Variants in TNKS observed in about 807,000 individuals in gnomAD.
TNKS encodes poly [ADP-ribose] polymerase tankyrase-1.
TNKS carries 72 observed loss-of-function variants against 135.8 expected under a neutral mutation model. That is an observed-to-expected ratio of 0.53 (90% CI 0.44 to 0.64). The LOEUF is 0.64. Ranked by LOEUF, TNKS falls within the 30% of genes least tolerant of loss-of-function variation. The pLI, the probability that TNKS is intolerant of heterozygous loss-of-function variation, is 0.00. For missense variants in TNKS, 1,769 were observed against 1,674.0 expected (o/e 1.06, Z -0.99); for synonymous variants, 849 against 649.3 (o/e 1.31, Z -4.68).
In TNKS at chr8:9,781,476, T is replaced by G. The variant is rs933959237; in HGVS notation, c.*4740T>G. 6.6e-6 allele frequency: 1 copy of G among 152,232 alleles called. No homozygotes were observed. The highest frequency in any genetic ancestry group is 1.5e-5 in the Non-Finnish European group (1 of 68,048). 9.4% of individuals were successfully genotyped at this position (152,232 alleles called of 1,614,324 possible). A position where few individuals can be genotyped will look rare whatever the true frequency, so the allele number is the denominator to read the frequency against. ...CAAAGTTAGGAAAGAACACAGATCT[T>G]TGAGGCCGATAGCCTAGACCTAGAA... On this transcript the variant is annotated 3_prime_UTR_variant, in exon 27 of 27. Transcript: ENST00000310430.
intron 26 of TNKS, among the ~76,000 whole-genome samples, chr8:9,774,957 GTTC>G: frequency 6.6e-6 from 1 of 152,280 alleles, no homozygotes; most frequent in Non-Finnish European, 1.5e-5. Context: ...GCCAGCCTGC[GTTC>G]TTTTTACATT....
At chr8:9,727,402 T>G (rs978617851) in intron 13 of TNKS, among the ~76,000 whole-genome samples, 2 of 152,156 alleles carry the variant, frequency 1.3e-5, no homozygotes, top group Non-Finnish European at 2.9e-5. Flanking sequence ...TAGCAAAAGT[T>G]TTTTGTTTGG....
At chr8:9,587,043 G>A (rs1366696556) in intron 2 of TNKS, among the ~76,000 whole-genome samples, 1 of 152,116 alleles carries the variant, frequency 6.6e-6, no homozygotes, top group Non-Finnish European at 1.5e-5. Flanking sequence ...GTTGAAAGAT[G>A]TTCATATCTT....
At chr8:9,573,236 T>C (rs1797826517) in intron 1 of TNKS, among the ~76,000 whole-genome samples, 1 of 152,196 alleles carries the variant, frequency 6.6e-6, no homozygotes, top group South Asian at 2.1e-4. Flanking sequence ...GAGCAAAGAA[T>C]GATTGGTGAA....
chr8:9,740,683 T>C (rs879507761), intron 17 of TNKS, among the ~76,000 whole-genome samples: 6 of 152,134 alleles, frequency 3.9e-5, no homozygotes, highest in Non-Finnish European at 8.8e-5. Context: ...TGAGTAGTCT[T>C]TTATTAAAAT....
intron 3 of TNKS, among the ~76,000 whole-genome samples, chr8:9,630,177 A>C (rs1345938301): frequency 6.6e-6 from 1 of 152,150 alleles, no homozygotes; most frequent in Non-Finnish European, 1.5e-5. Context: ...CCTGACTTTC[A>C]GTACTGGCTT....
At chr8:9,641,089 C>T (rs1800709659) in intron 3 of TNKS, among the ~76,000 whole-genome samples, 1 of 145,928 alleles carries the variant, frequency 6.9e-6, no homozygotes, top group Non-Finnish European at 1.5e-5. Context: ...TGTGTGTTCT[C>T]CCTCACTGCA....
At chr8:9,659,208 T>G (rs913016106) in intron 3 of TNKS, among the ~76,000 whole-genome samples, 2 of 151,614 alleles carry the variant, frequency 1.3e-5, no homozygotes, top group East Asian at 1.9e-4. Flanking sequence ...TATCCAGGAG[T>G]TGAACTCCGC....
In TNKS at chr8:9,598,777, A is replaced by ATG. The variant is rs1798901659; in HGVS notation, c.899-16804_899-16803insGT. Reference sequence around the variant, plus strand: ...TATATGTGTGTGTGTATATATATATATATATATATATATATATATATATAT... The same window carrying ATG: ...TATATGTGTGTGTGTATATATATATATGTATATATATATATATATATATATAT... On this transcript the variant is annotated intron_variant, in intron 2 of 26. Transcript: ENST00000310430. Among the ~76,000 whole-genome samples the ATG allele has an allele frequency of 6.8e-5, 2 of 29,234 alleles. 1 individual carries two copies. The highest frequency in any genetic ancestry group is 1.3e-4 in the Non-Finnish European group (2 of 15,236). The allele number at this position is 29,234 out of a possible 152,430, so 19.2% of individuals were successfully genotyped here. A position where few individuals can be genotyped will look rare whatever the true frequency, so the allele number is the denominator to read the frequency against.
At chr8:9,575,077 T>C (rs1797895260) in intron 1 of TNKS, 4 of 985,004 alleles carry the variant, frequency 4.1e-6, no homozygotes, top group African/African-American at 3.5e-5. Context: ...GACAAGTGAA[T>C]CTCTCCATTA....
At position 9,776,840 on chromosome 8, in the gene TNKS, T is replaced by C; in HGVS notation, c.*104T>C. On this transcript the variant is annotated 3_prime_UTR_variant, in exon 27 of 27. Coordinates refer to ENST00000310430, the MANE Select transcript of TNKS (RefSeq NM_003747.3). Reference sequence around the variant, plus strand: ...AATATTCTAGAAGTCCCTGACAGCCTAGAAATAAGCTGTTTGTCTTCTATA... The same window carrying C: ...AATATTCTAGAAGTCCCTGACAGCCCAGAAATAAGCTGTTTGTCTTCTATA... The C allele has an allele frequency of 1.8e-6, 2 of 1,112,622 alleles. No individual in the cohort carries two copies. Among genetic ancestry groups the C allele is most frequent in the African/African-American group, 1.6e-5 (1 of 64,314 alleles). The allele number at this position is 1,112,622 out of a possible 1,614,324, so 68.9% of individuals were successfully genotyped here.
chr8:9,661,412 C>G (rs1801703287), intron 3 of TNKS, among the ~76,000 whole-genome samples: 1 of 152,006 alleles, frequency 6.6e-6, no homozygotes, highest in Non-Finnish European at 1.5e-5. Flanking sequence ...CAGAACAGAG[C>G]CCTCAGAAAT....
Position 9,764,124 on chromosome 8 carries a change from AT to A in TNKS, c.3373-584del, listed in dbSNP as rs1010618493. Reference sequence around the variant, plus strand: ...AGTGGAGCAGTAAGGAAGAGAATTCATTTTTTTTATTGAGTTAATTCTCTGA... The same window carrying A: ...AGTGGAGCAGTAAGGAAGAGAATTCATTTTTTTATTGAGTTAATTCTCTGA... On this transcript the variant is annotated intron_variant, in intron 22 of 26. Coordinates refer to ENST00000310430, the MANE Select transcript of TNKS (RefSeq NM_003747.3). 8.6e-5 allele frequency among the ~76,000 whole-genome samples: 13 copies of A among 151,986 alleles called. No individual in the cohort carries two copies. In the South Asian group the frequency reaches 2.5e-3, roughly 29 times the overall value.
chr8:9,594,148 A>G (rs1798687899), intron 2 of TNKS, among the ~76,000 whole-genome samples: 1 of 152,204 alleles, frequency 6.6e-6, no homozygotes, highest in Middle Eastern at 3.4e-3. Flanking sequence ...CGGCCTCCCA[A>G]AGTGCTAGGA....
At chr8:9,575,328 G>T (rs762600599) in intron 1 of TNKS, 2 of 885,318 alleles carry the variant, frequency 2.3e-6, no homozygotes, top group Middle Eastern at 5.8e-4. Context: ...CTCGTGATCC[G>T]CCTGCTTCGG....
At chr8:9,589,495 A>G (rs1247535475) in intron 2 of TNKS, among the ~76,000 whole-genome samples, 1 of 152,258 alleles carries the variant, frequency 6.6e-6, no homozygotes, top group African/African-American at 2.4e-5. Context: ...CCTTCTCATT[A>G]GAATCCTCCC....
At chr8:9,588,633 A>G (rs1023377712) in intron 2 of TNKS, among the ~76,000 whole-genome samples, 6 of 152,176 alleles carry the variant, frequency 3.9e-5, no homozygotes, top group African/African-American at 9.6e-5. Context: ...ATGAGGCATG[A>G]TTAAACATTT....
Position 9,706,800 on chromosome 8 carries a change from T to C in TNKS, c.1270-11T>C, listed in dbSNP as rs34587394. 1.2e-3 allele frequency: 1,936 copies of C among 1,586,542 alleles called. 14 individuals are homozygous for C. The African/African-American group carries it at 0.018, about 15-fold the overall frequency. ...GATTACTGACCTAAAATGTTTTTTT[T>C]CTCAATTCAGCATGGAGCTTGTGTT... On this transcript the variant is annotated splice_polypyrimidine_tract_variant and intron_variant, in intron 7 of 26. Coordinates refer to ENST00000310430, the MANE Select transcript of TNKS (RefSeq NM_003747.3).
intron 18 of TNKS, among the ~76,000 whole-genome samples, chr8:9,750,244 T>C (rs1226462152): frequency 6.6e-6 from 1 of 152,214 alleles, no homozygotes; most frequent in East Asian, 1.9e-4. Context: ...ATTTGACCTT[T>C]GGCCTGAGGC....
Sources: gnomAD v4.1 joint callset for allele counts (sites outside exome capture counted in the v4.1 genomes callset) on GRCh38, gnomAD v4.1.1 for gene constraint, MANE v1.5 for transcripts, NCBI Gene and HGNC (gene_info 2026-07-23, HGNC 2026-07-21) for gene names.